BMAL2: variants seen among roughly 807,000 people sequenced by gnomAD.
BMAL2 encodes the protein basic helix-loop-helix ARNT-like protein 2.
the BMAL2 span, among the ~76,000 whole-genome samples, chr12:27,378,314 G>A: frequency 1.3e-5 from 2 of 152,332 alleles, no homozygotes; most frequent in East Asian, 3.9e-4. Flanking sequence ...GATGAAATAA[G>A]GGTAGTGGTA....
chr12:27,368,773 C>T, the BMAL2 span, among the ~76,000 whole-genome samples: 1 of 152,188 alleles, frequency 6.6e-6, no homozygotes, highest in African/African-American at 2.4e-5. Context: ...TCTCACCTTA[C>T]TCGTCATGTA....
At chr12:27,419,380 G>A in the BMAL2 span, among the ~76,000 whole-genome samples, 25 of 152,158 alleles carry the variant, frequency 1.6e-4, no homozygotes, top group African/African-American at 4.6e-4. Context: ...TTCCCATGGC[G>A]GAAGGCAGAA....
the BMAL2 span, among the ~76,000 whole-genome samples, chr12:27,357,542 G>C: frequency 2.0e-5 from 3 of 152,050 alleles, no homozygotes; most frequent in Admixed American, 2.0e-4. Flanking sequence ...AGCCAAAAAA[G>C]AATCCACATA....
At chr12:27,353,049 G>A in the BMAL2 span, among the ~76,000 whole-genome samples, 1 of 150,536 alleles carries the variant, frequency 6.6e-6, no homozygotes, top group Non-Finnish European at 1.5e-5. Flanking sequence ...AGCTACCAAT[G>A]TTATTTTTCA....
chr12:27,335,216 G>C, the BMAL2 span, among the ~76,000 whole-genome samples: 3 of 152,018 alleles, frequency 2.0e-5, no homozygotes, highest in African/African-American at 7.2e-5. Flanking sequence ...GTTTTGTTTT[G>C]TTTTGTTTTG....
chr12:27,379,356 A>G, the BMAL2 span, among the ~76,000 whole-genome samples: 1 of 152,238 alleles, frequency 6.6e-6, no homozygotes, highest in Non-Finnish European at 1.5e-5. Flanking sequence ...TAGGGTTATA[A>G]TAACAAATAG....
chr12:27,388,679 G>T, the BMAL2 span, among the ~76,000 whole-genome samples: 1 of 152,258 alleles, frequency 6.6e-6, no homozygotes, highest in East Asian at 1.9e-4. Context: ...CAAAGGCATA[G>T]ACCTGGGGAT....
the BMAL2 span, among the ~76,000 whole-genome samples, chr12:27,400,987 A>C: frequency 6.6e-6 from 1 of 152,202 alleles, no homozygotes; most frequent in African/African-American, 2.4e-5. Flanking sequence ...GTGGTGCAGA[A>C]ACTGGGCATG....
At chr12:27,385,611 T>G in the BMAL2 span, 1 of 1,242,732 alleles carries the variant, frequency 8.0e-7, no homozygotes, top group Non-Finnish European at 1.2e-6. Context: ...CATTGCTGTT[T>G]GAATAGGAGG....
the BMAL2 span, among the ~76,000 whole-genome samples, chr12:27,334,602 C>G: frequency 6.6e-6 from 1 of 152,180 alleles, no homozygotes; most frequent in Non-Finnish European, 1.5e-5. Context: ...GAAAATGCAC[C>G]TACTAATTCC....
chr12:27,378,277 G>A, the BMAL2 span, among the ~76,000 whole-genome samples: 21 of 152,164 alleles, frequency 1.4e-4, no homozygotes, highest in South Asian at 4.1e-4. Flanking sequence ...ATAATAGTGC[G>A]TCTTACAATT....
the BMAL2 span, among the ~76,000 whole-genome samples, chr12:27,366,810 G>A: frequency 6.6e-6 from 1 of 152,188 alleles, no homozygotes; most frequent in Non-Finnish European, 1.5e-5. Context: ...CTAACAATAG[G>A]AGAGTGGTTA....
At chr12:27,395,661 T>C in the BMAL2 span, among the ~76,000 whole-genome samples, 1 of 152,168 alleles carries the variant, frequency 6.6e-6, no homozygotes, top group Non-Finnish European at 1.5e-5. Context: ...GTTTTACACA[T>C]TTATAGAAGA....
the BMAL2 span, chr12:27,390,373 T>C: frequency 9.9e-7 from 1 of 1,007,022 alleles, no homozygotes; most frequent in Non-Finnish European, 1.4e-6. Flanking sequence ...AAATAAGATT[T>C]TTTTAAACCA....
chr12:27,370,366 C>G, the BMAL2 span: 1 of 626,128 alleles, frequency 1.6e-6, no homozygotes. Context: ...CCCAATCCTT[C>G]CTTTATCCTA....
chr12:27,403,363 A>G, the BMAL2 span: 1 of 1,040,214 alleles, frequency 9.6e-7, no homozygotes, highest in Non-Finnish European at 1.5e-6. Flanking sequence ...TAAGGAGAGA[A>G]CTGTGAAATT....
At chr12:27,402,684 T>C in the BMAL2 span, 1 of 1,607,778 alleles carries the variant, frequency 6.2e-7, no homozygotes, top group Non-Finnish European at 8.5e-7. Flanking sequence ...GAAGGTAAGC[T>C]TACTTTTAGA....
At chr12:27,418,379 TTG>T in the BMAL2 span, among the ~76,000 whole-genome samples, 1 of 152,028 alleles carries the variant, frequency 6.6e-6, no homozygotes, top group East Asian at 1.9e-4. Flanking sequence ...GGCAGGAGGA[TTG>T]CTTGAGGCTA....
the BMAL2 span, among the ~76,000 whole-genome samples, chr12:27,381,044 A>G: frequency 6.6e-6 from 1 of 152,192 alleles, no homozygotes; most frequent in African/African-American, 2.4e-5. Context: ...CTATCCTTCA[A>G]AAAGAAAACT....
Sources: allele counts gnomAD v4.1 joint callset (sites outside exome capture counted in the v4.1 genomes callset), GRCh38; gene constraint gnomAD v4.1.1; transcripts MANE v1.5; gene names NCBI Gene and HGNC (gene_info 2026-07-23, HGNC 2026-07-21).